Variants in CFAP57 observed in about 807,000 individuals in gnomAD.
The protein encoded by CFAP57 is cilia- and flagella-associated protein 57.
Under a neutral mutation model 146.8 loss-of-function variants are expected in CFAP57, and 116 were observed. That is an observed-to-expected ratio of 0.79 (90% confidence interval 0.68 to 0.92). The LOEUF is 0.92. Ranked by LOEUF, CFAP57 falls within the 40% of genes least tolerant of loss-of-function variation. CFAP57 has a pLI of 0.00. For synonymous variants in CFAP57, 518 were observed against 552.8 expected, an observed-to-expected ratio of 0.94 and a Z score of 0.88; for missense variants, 1,377 against 1,527.2, an observed-to-expected ratio of 0.90 and a Z score of 1.64.
chr1:43,252,479 C>G (rs1646349307), intron 22 of CFAP57, among the ~76,000 whole-genome samples: 1 of 151,860 alleles, frequency 6.6e-6, no homozygotes, highest in African/African-American at 2.4e-5. Context: ...CAAGCAGAAG[C>G]AAATGCAAAT....
At chr1:43,236,913 CAA>C (rs5773804) in intron 21 of CFAP57, among the ~76,000 whole-genome samples, 3 of 146,068 alleles carry the variant, frequency 2.1e-5, no homozygotes, top group African/African-American at 7.6e-5. Context: ...CATCCCCCCC[CAA>C]AAAAAAAAGG....
At chr1:43,202,361 T>C (rs935768237) in intron 9 of CFAP57, among the ~76,000 whole-genome samples, 1 of 152,166 alleles carries the variant, frequency 6.6e-6, no homozygotes, top group Non-Finnish European at 1.5e-5. Flanking sequence ...AATTTGATTC[T>C]TTGAAAACAC....
At chr1:43,198,053 CATCTTTCTCCCAG>C in intron 7 of CFAP57, among the ~76,000 whole-genome samples, 1 of 152,262 alleles carries the variant, frequency 6.6e-6, no homozygotes, top group Non-Finnish European at 1.5e-5. Context: ...CTTTCTTCCT[CATCTTTCTCCCAG>C]GACATCACTA....
chr1:43,242,871 AATATAATAGCC>A (rs1435638656), intron 21 of CFAP57, among the ~76,000 whole-genome samples: 4 of 151,668 alleles, frequency 2.6e-5, no homozygotes, highest in Non-Finnish European at 4.4e-5. Context: ...ATATATATAT[AATATAATAGCC>A]ATATAATAGC....
At chr1:43,245,793 G>A (rs1397628756) in intron 22 of CFAP57, among the ~76,000 whole-genome samples, 2 of 152,088 alleles carry the variant, frequency 1.3e-5, no homozygotes, top group East Asian at 3.8e-4. Context: ...CAGAGTATGA[G>A]GAAAGAACTC....
chr1:43,245,125 A>G (rs181345741), intron 22 of CFAP57, among the ~76,000 whole-genome samples: 168 of 152,198 alleles, frequency 1.1e-3, no homozygotes, highest in African/African-American at 3.8e-3. Context: ...CCTGGGCAAC[A>G]TGGCGAAACC....
At position 43,234,607 on chromosome 1, in the gene CFAP57, T is replaced by G. The variant is rs1407240938; in HGVS notation, c.3374T>G (p.Leu1125Arg). ...AAGAAGGTGGTCAAGGAGGGCGAGC[T>G]GCACCGCACAGACTACGTCCGCATC... ...LKKKVVKEGE[L>R]HRTDYVRIMQ... Residue 1125 changes from leucine to arginine, a missense_variant, in exon 21 of 23, where the codon CTG (leucine) becomes CGG (arginine). Coordinates refer to ENST00000372492, the MANE Select transcript of CFAP57 (RefSeq NM_001378189.1). The G allele has an allele frequency of 1.5e-5, 23 of 1,550,410 alleles. 2 individuals are homozygous for G. In the South Asian group the frequency reaches 2.7e-4, roughly 18 times the overall value.
intron 3 of CFAP57, 142 bp downstream of exon 3, chr1:43,181,992 A>G: frequency 1.0e-6 from 1 of 952,872 alleles, no homozygotes; most frequent in Non-Finnish European, 1.6e-6. Context: ...GGTATGCACA[A>G]TCATTATCCC....
In CFAP57 at chr1:43,222,219, C is replaced by T. The variant is rs772641345; in HGVS notation, c.2456C>T (p.Thr819Ile). ...AAACAGCTCCGGGATAACGATGAGACCAAGAGCCAGGCCCTGGAGGAGCTG... is the reference window on the plus strand; with the variant it reads ...AAACAGCTCCGGGATAACGATGAGATCAAGAGCCAGGCCCTGGAGGAGCTG... ...YEKQLRDNDE[T>I]KSQALEELTE... The change falls in exon 15 of 23, where the codon ACC (threonine) becomes ATC (isoleucine). Residue 819 changes from threonine (T) to isoleucine (I), a missense_variant. Thr to Ile is a moderately conservative substitution (Grantham distance 89). Coordinates refer to ENST00000372492, the MANE Select transcript of CFAP57 (RefSeq NM_001378189.1). 1 of 1,526,886 alleles carries T rather than the reference C, an allele frequency of 6.5e-7. No individual in the cohort carries two copies. The highest frequency in any genetic ancestry group is 8.8e-7 in the Non-Finnish European group (1 of 1,135,226). The allele number at this position is 1,526,886 out of a possible 1,614,324, so 94.6% of individuals were successfully genotyped here.
chr1:43,187,016 C>T (rs1380993984), intron 6 of CFAP57, among the ~76,000 whole-genome samples, 157 bp downstream of exon 6: 1 of 152,206 alleles, frequency 6.6e-6, no homozygotes, highest in Non-Finnish European at 1.5e-5. Flanking sequence ...AAGATATTCA[C>T]ATAGAAGCAT....
chr1:43,228,969 C>T (rs1463710954), intron 18 of CFAP57, among the ~76,000 whole-genome samples: 6 of 148,930 alleles, frequency 4.0e-5, no homozygotes, highest in Non-Finnish European at 5.9e-5. Flanking sequence ...TGTGAGGGCT[C>T]TGCCCTCGTG....
chr1:43,247,222 C>A (rs1204563368), intron 22 of CFAP57, among the ~76,000 whole-genome samples: 9 of 152,136 alleles, frequency 5.9e-5, no homozygotes, highest in Admixed American at 5.9e-4. Flanking sequence ...GAACAAACAG[C>A]AAACAAATAA....
At chr1:43,231,646 G>C (rs1215126695) in intron 18 of CFAP57, among the ~76,000 whole-genome samples, 1 of 148,820 alleles carries the variant, frequency 6.7e-6, no homozygotes, top group Non-Finnish European at 1.5e-5. Context: ...TTGAGGTCAG[G>C]AGTTCAAGAC....
chr1:43,237,846 A>T (rs969918650), intron 21 of CFAP57, among the ~76,000 whole-genome samples: 2 of 152,234 alleles, frequency 1.3e-5, no homozygotes, highest in Non-Finnish European at 2.9e-5. Flanking sequence ...TCCTGTAAAC[A>T]GGCTCCACCC....
In CFAP57 at chr1:43,201,998, G is replaced by GA. The variant is rs1233531713; in HGVS notation, c.1542+2498dup. Among the ~76,000 whole-genome samples, 1 of 152,168 alleles carries GA rather than the reference G, an allele frequency of 6.6e-6. No individual in the cohort carries two copies. Among genetic ancestry groups the GA allele is most frequent in the Non-Finnish European group, 1.5e-5 (1 of 68,036 alleles). On this transcript the variant is annotated intron_variant, in intron 9 of 22. Coordinates refer to ENST00000372492, the MANE Select transcript of CFAP57 (RefSeq NM_001378189.1). The surrounding 1 kb of genome is among the most constrained non-coding windows in gnomAD (Gnocchi z 4.4). The stretch of plus-strand genomic sequence containing the variant: ...TTCAAGTGACTGTGGAGATGCGGAT[G>GA]AAAGTACAGAAAGTGATTCTGATGC...
intron 11 of CFAP57, among the ~76,000 whole-genome samples, chr1:43,213,538 C>A (rs1394230261): frequency 1.3e-5 from 2 of 150,988 alleles, no homozygotes; most frequent in East Asian, 3.9e-4. Context: ...TCCTTTCAAT[C>A]TGCTGATTTC....
chr1:43,186,900 T>A, intron 6 of CFAP57, 41 bp downstream of exon 6: 2 of 1,613,034 alleles, frequency 1.2e-6, no homozygotes, highest in Non-Finnish European at 1.7e-6. Flanking sequence ...CCAGGACCTA[T>A]CTGCCTGCTG....
intron 4 of CFAP57, among the ~76,000 whole-genome samples, chr1:43,184,441 G>A (rs954091662): frequency 2.0e-5 from 3 of 152,180 alleles, no homozygotes; most frequent in African/African-American, 4.8e-5. Flanking sequence ...GGAATGTACC[G>A]TTACATGCAC....
chr1:43,200,071 G>C (rs1176952912), intron 9 of CFAP57, among the ~76,000 whole-genome samples: 1 of 152,130 alleles, frequency 6.6e-6, no homozygotes, highest in African/African-American at 2.4e-5. Context: ...GATTACTTTG[G>C]CAGCAGAGTG....
Sources: allele counts gnomAD v4.1 joint callset (sites outside exome capture counted in the v4.1 genomes callset), GRCh38; gene constraint gnomAD v4.1.1; non-coding constraint Gnocchi (gnomAD v3.1); transcripts MANE v1.5; gene names NCBI Gene and HGNC (gene_info 2026-07-23, HGNC 2026-07-21).